RAB38: variants seen among roughly 807,000 people sequenced by gnomAD.
The protein encoded by RAB38 is ras-related protein Rab-38.
RAB38 carries 15 observed loss-of-function variants against 18.4 expected under a neutral mutation model. That is an observed-to-expected ratio of 0.82 (90% confidence interval 0.55 to 1.26). The LOEUF is 1.26. RAB38 is among the 50% of genes most tolerant of loss of function. The pLI is 0.00. For synonymous variants in RAB38, 101 were observed against 104.4 expected, an observed-to-expected ratio of 0.97 and a Z score of 0.20; for missense variants, 294 against 267.4, an observed-to-expected ratio of 1.10 and a Z score of -0.69.
At chr11:88,032,945 T>A in the RAB38 span, among the ~76,000 whole-genome samples, 2 of 152,296 alleles carry the variant, frequency 1.3e-5, no homozygotes, top group East Asian at 3.8e-4. Context: ...TATTGTGGCA[T>A]TATTCACAAT....
chr11:88,116,812 T>TA (rs1452270872), intron 2 of RAB38, among the ~76,000 whole-genome samples: 1 of 152,232 alleles, frequency 6.6e-6, no homozygotes, highest in Non-Finnish European at 1.5e-5. Context: ...TAGTATTTTT[T>TA]AAACCTCCAC....
the RAB38 span, among the ~76,000 whole-genome samples, chr11:87,973,689 G>A: frequency 6.6e-5 from 10 of 152,074 alleles, no homozygotes; most frequent in African/African-American, 2.2e-4. Flanking sequence ...TCAAAGACTG[G>A]CTACACACGT....
the RAB38 span, among the ~76,000 whole-genome samples, chr11:88,053,801 T>A: frequency 5.3e-5 from 8 of 151,756 alleles, no homozygotes; most frequent in African/African-American, 1.2e-4. Context: ...CTTTTTTTTT[T>A]TTTTTATTTT....
chr11:87,916,935 T>A, the RAB38 span, among the ~76,000 whole-genome samples: 8 of 151,806 alleles, frequency 5.3e-5, no homozygotes, highest in Non-Finnish European at 7.4e-5. Context: ...ATGCTTATGA[T>A]TTTTTTAGTG....
At chr11:88,007,945 A>C in the RAB38 span, among the ~76,000 whole-genome samples, 4 of 152,156 alleles carry the variant, frequency 2.6e-5, no homozygotes, top group Non-Finnish European at 4.4e-5. Flanking sequence ...ATATGGATGA[A>C]CCTCAAAAAT....
the RAB38 span, among the ~76,000 whole-genome samples, chr11:88,043,602 A>ACCCCCCCCCCCCCCCCCCCC: frequency 8.7e-6 from 1 of 114,414 alleles, no homozygotes; most frequent in South Asian, 3.2e-4. Flanking sequence ...GCACCTTGTG[A>ACCCCCCCCCCCCCCCCCCCC]CCCCCCCACC....
At chr11:88,020,797 T>C in the RAB38 span, among the ~76,000 whole-genome samples, 1 of 152,102 alleles carries the variant, frequency 6.6e-6, no homozygotes, top group East Asian at 1.9e-4. Context: ...AAGAGGACTT[T>C]TGGAAATGAT....
the RAB38 span, among the ~76,000 whole-genome samples, chr11:87,893,730 C>T: frequency 6.6e-6 from 1 of 151,568 alleles, no homozygotes; most frequent in Non-Finnish European, 1.5e-5. Flanking sequence ...CTTATTTTCT[C>T]TATGATTTTG....
At chr11:87,878,222 T>TATATATATATATATATATATATATATAC in the RAB38 span, among the ~76,000 whole-genome samples, 4 of 116,206 alleles carry the variant, frequency 3.4e-5, no homozygotes, top group African/African-American at 1.8e-4. Context: ...TATATATATA[T>TATATATATATATATATATATATATATAC]ACACACATAT....
intron 2 of RAB38, 79 bp from the exon 3 acceptor site, chr11:88,114,219 T>C (rs1942517362): frequency 2.1e-6 from 3 of 1,449,838 alleles, no homozygotes; most frequent in Middle Eastern, 1.9e-4. Flanking sequence ...TATGTGACAA[T>C]TCATTTAAAT....
At chr11:88,157,624 G>T (rs921226680) in intron 1 of RAB38, among the ~76,000 whole-genome samples, 13 of 151,992 alleles carry the variant, frequency 8.6e-5, no homozygotes, top group African/African-American at 3.1e-4. Context: ...GAAAAAAATT[G>T]AAAATATACA....
chr11:88,041,619 G>C, the RAB38 span, among the ~76,000 whole-genome samples: 1 of 152,202 alleles, frequency 6.6e-6, no homozygotes, highest in Admixed American at 6.5e-5. Flanking sequence ...GCATAGATCA[G>C]TTGGTTGTTG....
chr11:87,941,964 T>C, the RAB38 span, among the ~76,000 whole-genome samples: 1 of 152,288 alleles, frequency 6.6e-6, no homozygotes. Flanking sequence ...CCCTCTCTCT[T>C]GCTCCTTGTC....
At chr11:88,067,221 G>A in the RAB38 span, among the ~76,000 whole-genome samples, 2 of 152,154 alleles carry the variant, frequency 1.3e-5, no homozygotes, top group East Asian at 1.9e-4. Context: ...GAATATTTAA[G>A]TTAAAGCAAG....
chr11:87,880,950 T>C, the RAB38 span, among the ~76,000 whole-genome samples: 1 of 151,856 alleles, frequency 6.6e-6, no homozygotes, highest in African/African-American at 2.4e-5. Context: ...TATCAACTAG[T>C]GCTGAGTGCT....
chr11:87,898,283 C>T, the RAB38 span, among the ~76,000 whole-genome samples: 4 of 151,560 alleles, frequency 2.6e-5, no homozygotes, highest in African/African-American at 9.7e-5. Flanking sequence ...CCTCACCAAC[C>T]ACAGAGCGTG....
the RAB38 span, among the ~76,000 whole-genome samples, chr11:88,064,355 G>A: frequency 2.0e-5 from 3 of 152,150 alleles, no homozygotes; most frequent in Non-Finnish European, 4.4e-5. Flanking sequence ...CATATTTCTG[G>A]CTTCTGGTTA....
the RAB38 span, among the ~76,000 whole-genome samples, chr11:87,868,114 T>C: frequency 6.6e-6 from 1 of 151,724 alleles, no homozygotes; most frequent in Admixed American, 6.6e-5. Flanking sequence ...GAAAATCTCA[T>C]GTTGGAGTTT....
At chr11:87,975,801 C>A in the RAB38 span, among the ~76,000 whole-genome samples, 1 of 151,502 alleles carries the variant, frequency 6.6e-6, no homozygotes, top group Non-Finnish European at 1.5e-5. Context: ...GCCAATAGCT[C>A]CTCAAAAGAA....
Sources: gnomAD v4.1 joint callset for allele counts (sites outside exome capture counted in the v4.1 genomes callset) on GRCh38, gnomAD v4.1.1 for gene constraint, MANE v1.5 for transcripts, NCBI Gene and HGNC (gene_info 2026-07-23, HGNC 2026-07-21) for gene names.